The following ANK1 variants were observed in gnomAD, a reference collection of about 807,000 sequenced individuals.
The protein encoded by ANK1 is ankyrin 1, also known as ankyrin-1.
ANK1 carries 51 observed loss-of-function variants against 210.4 expected under a neutral mutation model. That is an observed-to-expected ratio of 0.24 (90% CI 0.19 to 0.31). ANK1 has a LOEUF of 0.31. Among genes scored for constraint, ANK1 ranks in the 10% least tolerant of loss-of-function variants. The probability of loss-of-function intolerance (pLI) is 1.00; values close to 1 mark genes in which losing one functional copy is unlikely to be tolerated. For synonymous variants in ANK1, 967 were observed against 1,025.9 expected (o/e 0.94, Z 1.10); for missense variants, 2,051 against 2,504.4 (o/e 0.82, Z 3.86).
At chr8:41,738,314 C>T (rs954523782) in intron 2 of ANK1, among the ~76,000 whole-genome samples, 3 of 152,218 alleles carry the variant, frequency 2.0e-5, no homozygotes, top group African/African-American at 7.2e-5. Context: ...CATCCAGACC[C>T]CAGCAGCACC....
intron 10 of ANK1, among the ~76,000 whole-genome samples, chr8:41,718,583 T>C (rs187971602): frequency 1.4e-3 from 219 of 152,364 alleles, no homozygotes; most frequent in African/African-American, 5.1e-3. Context: ...AAACCACTGA[T>C]CATTTTTAGT....
At chr8:41,720,723 G>A (rs77026035) in intron 9 of ANK1, among the ~76,000 whole-genome samples, 2 of 152,128 alleles carry the variant, frequency 1.3e-5, no homozygotes, top group Admixed American at 1.3e-4. Context: ...GGCACTGGGA[G>A]GGAGGAGGTG....
At chr8:41,820,327 A>ATGTG (rs56359274) in intron 1 of ANK1, among the ~76,000 whole-genome samples, 99 of 142,930 alleles carry the variant, frequency 6.9e-4, no homozygotes, top group African/African-American at 2.1e-3. Flanking sequence ...ACCAAGCTAA[A>ATGTG]TGTGTGTGTG....
chr8:41,722,774 GT>G (rs1433356829), intron 9 of ANK1, among the ~76,000 whole-genome samples: 5 of 152,174 alleles, frequency 3.3e-5, no homozygotes, highest in Non-Finnish European at 7.4e-5. Context: ...TGCCACCAGT[GT>G]TTGTCAATAA....
At chr8:41,756,628 AGATGGGGTTTCTCCAC>A (rs1839220795) in intron 2 of ANK1, among the ~76,000 whole-genome samples, 1 of 152,092 alleles carries the variant, frequency 6.6e-6, no homozygotes, top group South Asian at 2.1e-4. Flanking sequence ...CTTTTAATAG[AGATGGGGTTTCTCCAC>A]GATGGCCAGG....
chr8:41,745,650 G>A (rs1202393270), intron 2 of ANK1, among the ~76,000 whole-genome samples: 3 of 152,074 alleles, frequency 2.0e-5, no homozygotes, highest in Admixed American at 6.5e-5. Context: ...TACACATTTT[G>A]GGAATCACAG....
At chr8:41,682,281 T>A (rs916462597) in intron 37 of ANK1, among the ~76,000 whole-genome samples, 6 of 151,234 alleles carry the variant, frequency 4.0e-5, no homozygotes, top group Non-Finnish European at 7.4e-5. Flanking sequence ...GACGCATGGC[T>A]CCCACCTCAT....
intron 9 of ANK1, among the ~76,000 whole-genome samples, chr8:41,720,210 A>T (rs1244085111): frequency 6.6e-6 from 1 of 152,286 alleles, no homozygotes; most frequent in East Asian, 1.9e-4. Context: ...AGGGGAGTGT[A>T]TCTCTTCTCT....
chr8:41,696,125 A>G (rs1820860299), intron 26 of ANK1, among the ~76,000 whole-genome samples: 1 of 152,204 alleles, frequency 6.6e-6, no homozygotes, highest in African/African-American at 2.4e-5. Context: ...CCTGGCCTCA[A>G]GCGATGCTCT....
At chr8:41,808,012 G>A (rs1209152471) in intron 1 of ANK1, among the ~76,000 whole-genome samples, 1 of 151,972 alleles carries the variant, frequency 6.6e-6, no homozygotes, top group East Asian at 1.9e-4. Context: ...AGAGGAAGAG[G>A]AAGAGAAGGA....
rs775741500 is a variant in ANK1, at chr8:41,694,111, T to C, written c.3328-9A>G. ...TCCGGGACAGGCTGGGCCTGTGAAA[T>C]GACAGAGGCAGGACACTCAGGCCCA... On this transcript the variant is annotated splice_polypyrimidine_tract_variant and intron_variant, in intron 28 of 42. Coordinates refer to ENST00000289734, the MANE Select transcript of ANK1 (RefSeq NM_000037.4). This position sits in a 1 kb window ranked among gnomAD's most constrained non-coding sequence, Gnocchi z 5.7. The C allele has an allele frequency of 6.2e-7, 1 of 1,612,830 alleles. No homozygotes were observed. Among genetic ancestry groups the C allele is most frequent in the South Asian group, 1.1e-5 (1 of 90,826 alleles).
At chr8:41,656,061 C>CG (rs1248227340) in intron 42 of ANK1, among the ~76,000 whole-genome samples, 3 of 152,374 alleles carry the variant, frequency 2.0e-5, no homozygotes, top group Admixed American at 2.0e-4. Flanking sequence ...GAGCACTGTG[C>CG]TCTGTGCCCT....
intron 9 of ANK1, 96 bp from the exon 10 acceptor site, chr8:41,719,954 T>A: frequency 7.2e-7 from 1 of 1,390,750 alleles, no homozygotes; most frequent in Admixed American, 1.8e-5. Flanking sequence ...ACTTCTTCCC[T>A]ACACAATGTT....
At chr8:41,896,491 G>T (rs758498187) in exon 1 of ANK1, 3 of 1,588,926 alleles carry the variant, frequency 1.9e-6, no homozygotes, top group Admixed American at 3.5e-5. Flanking sequence ...GGCGGGTCAC[G>T]GCGCTCCCGT....
chr8:41,828,624 C>G (rs1053974668), intron 1 of ANK1: 2 of 154,192 alleles, frequency 1.3e-5, no homozygotes, highest in African/African-American at 2.4e-5. Context: ...AACAGTAGCA[C>G]TAAAAGGCTC....
intron 1 of ANK1, among the ~76,000 whole-genome samples, chr8:41,776,938 C>T (rs1191955308): frequency 6.6e-6 from 1 of 152,246 alleles, no homozygotes; most frequent in African/African-American, 2.4e-5. Flanking sequence ...AGGTGTCACA[C>T]ATAATACTTC....
At position 41,694,142 on chromosome 8, in the gene ANK1, G is replaced by A. The variant is rs138519097; in HGVS notation, c.3328-40C>T. 1.1e-3 allele frequency: 1,802 copies of A among 1,593,360 alleles called. 24 individuals carry two copies. In the Admixed American group the frequency reaches 0.029, roughly 26 times the overall value. On this transcript the variant is annotated intron_variant, in intron 28 of 42. Coordinates refer to ENST00000289734, the MANE Select transcript of ANK1 (RefSeq NM_000037.4). This position sits in a 1 kb window ranked among gnomAD's most constrained non-coding sequence, Gnocchi z 5.7. ...AGGCAGGACACTCAGGCCCAAGCAG[G>A]AGAGGGGCTAATCAGACGGGAGGCA...
At chr8:41,715,212 T>C (rs1827294479) in intron 14 of ANK1, 138 bp from the exon 15 acceptor site, 2 of 785,510 alleles carry the variant, frequency 2.5e-6, no homozygotes, top group African/African-American at 1.7e-5. Flanking sequence ...TTTTGAGCCC[T>C]CTGGGAGGCC....
At chr8:41,754,367 C>T (rs1838551049) in intron 2 of ANK1, among the ~76,000 whole-genome samples, 1 of 152,172 alleles carries the variant, frequency 6.6e-6, no homozygotes, top group Non-Finnish European at 1.5e-5. Context: ...GATGATAGAA[C>T]ATTAGTAGAC....
Sources: allele counts gnomAD v4.1 joint callset (sites outside exome capture counted in the v4.1 genomes callset), GRCh38; gene constraint gnomAD v4.1.1; non-coding constraint Gnocchi (gnomAD v3.1); transcripts MANE v1.5; gene names NCBI Gene and HGNC (gene_info 2026-07-23, HGNC 2026-07-21).